The following NRG3 variants were observed in gnomAD, a reference collection of about 807,000 sequenced individuals.
NRG3 encodes the protein neuregulin 3, also known as pro-neuregulin-3, membrane-bound isoform.
A neutral mutation model predicts 66.9 loss-of-function variants in NRG3; 31 were observed. The observed-to-expected ratio is 0.46, with a 90% CI of 0.35 to 0.63. NRG3 has a LOEUF of 0.63. Among genes scored for constraint, NRG3 ranks in the 20% least tolerant of loss-of-function variants. The pLI is 0.00. For synonymous variants in NRG3, 393 were observed against 359.4 expected (o/e 1.09, Z -1.06); for missense variants, 910 against 878.9 (o/e 1.04, Z -0.45).
chr10:81,913,125 G>A (rs745800156), intron 1 of NRG3, among the ~76,000 whole-genome samples: 1 of 152,116 alleles, frequency 6.6e-6, no homozygotes, highest in East Asian at 1.9e-4. Context: ...TGAAGAGGCT[G>A]GCACCACTTT....
At chr10:82,451,577 A>T (rs530269178) in intron 2 of NRG3, among the ~76,000 whole-genome samples, 1 of 152,296 alleles carries the variant, frequency 6.6e-6, no homozygotes, top group African/African-American at 2.4e-5. Context: ...CCTTACATTC[A>T]TCTCAACAAG....
intron 3 of NRG3, among the ~76,000 whole-genome samples, chr10:82,837,426 T>G (rs1279346172): frequency 6.6e-6 from 1 of 152,132 alleles, no homozygotes; most frequent in Non-Finnish European, 1.5e-5. Context: ...TTTAAACTGA[T>G]GTTTAACTGT....
chr10:82,197,370 G>A (rs2074505412), intron 1 of NRG3, among the ~76,000 whole-genome samples: 1 of 152,102 alleles, frequency 6.6e-6, no homozygotes, highest in Middle Eastern at 3.2e-3. Flanking sequence ...ATAGTACAAA[G>A]GCTCCAGGGT....
At chr10:82,718,114 C>T (rs2057086321) in intron 2 of NRG3, among the ~76,000 whole-genome samples, 1 of 152,202 alleles carries the variant, frequency 6.6e-6, no homozygotes, top group Non-Finnish European at 1.5e-5. Flanking sequence ...ACGAGATCCA[C>T]ATATACTAGT....
In NRG3 at chr10:82,004,034, C is replaced by G. The variant is rs1020610409; in HGVS notation, c.823+127871C>G. Among the ~76,000 whole-genome samples the G allele has an allele frequency of 5.5e-5, 8 of 146,642 alleles. No individual in the cohort carries two copies. In the East Asian group the frequency reaches 1.0e-3, roughly 19 times the overall value. ...ACACACACACACACACACACACACACAGATACCTTAGAGCAGCATTTATTA... is the reference window on the plus strand; with the variant it reads ...ACACACACACACACACACACACACAGAGATACCTTAGAGCAGCATTTATTA... On this transcript the variant is annotated intron_variant, in intron 1 of 8. Transcript: ENST00000372141.
At chr10:82,102,805 A>G (rs1378805510) in intron 1 of NRG3, among the ~76,000 whole-genome samples, 3 of 151,930 alleles carry the variant, frequency 2.0e-5, no homozygotes, top group African/African-American at 7.2e-5. Flanking sequence ...TTATCTTACT[A>G]TTGTAATAAA....
chr10:82,008,714 T>A (rs2061467063), intron 1 of NRG3, among the ~76,000 whole-genome samples: 1 of 152,178 alleles, frequency 6.6e-6, no homozygotes, highest in Non-Finnish European at 1.5e-5. Context: ...TTTTCCTTGG[T>A]ACCCATGAGG....
intron 1 of NRG3, among the ~76,000 whole-genome samples, chr10:82,096,526 G>T (rs2066359562): frequency 6.6e-6 from 1 of 151,786 alleles, no homozygotes; most frequent in Non-Finnish European, 1.5e-5. Context: ...ACATGAACAT[G>T]AGTTAAACTG....
chr10:82,017,643 A>G (rs899652434), intron 1 of NRG3, among the ~76,000 whole-genome samples: 7 of 152,248 alleles, frequency 4.6e-5, no homozygotes, highest in African/African-American at 1.7e-4. Context: ...AACTGGTGTG[A>G]GATGGTATCT....
chr10:82,791,536 T>A (rs1240134260), intron 3 of NRG3, among the ~76,000 whole-genome samples: 1 of 152,174 alleles, frequency 6.6e-6, no homozygotes, highest in Non-Finnish European at 1.5e-5. Context: ...ACTCTGTAAT[T>A]ACCTTCACTT....
intron 1 of NRG3, among the ~76,000 whole-genome samples, chr10:82,071,574 A>G (rs138289605): frequency 9.1e-4 from 139 of 152,318 alleles, no homozygotes; most frequent in African/African-American, 2.6e-3. Flanking sequence ...AAGAGAACCA[A>G]TGGCAGAATA....
chr10:82,557,324 C>A (rs2044715623), intron 2 of NRG3, among the ~76,000 whole-genome samples: 1 of 152,064 alleles, frequency 6.6e-6, no homozygotes, highest in Non-Finnish European at 1.5e-5. Context: ...TTAATAATAG[C>A]CATTCTGACT....
chr10:82,418,490 T>C (rs1198696679), intron 2 of NRG3, among the ~76,000 whole-genome samples: 1 of 150,990 alleles, frequency 6.6e-6, no homozygotes, highest in East Asian at 1.9e-4. Context: ...TAAGATGCTA[T>C]GTTTGCATCA....
intron 2 of NRG3, among the ~76,000 whole-genome samples, chr10:82,647,235 A>G (rs1193787391): frequency 6.6e-6 from 1 of 151,614 alleles, no homozygotes; most frequent in South Asian, 2.1e-4. Flanking sequence ...ATTCCCACCT[A>G]TGAGTGAGAA....
intron 3 of NRG3, among the ~76,000 whole-genome samples, chr10:82,812,536 A>G (rs7475683): frequency 0.2 from 30,004 of 152,114 alleles, 3,892 homozygotes; most frequent in African/African-American, 0.36. Context: ...TAATTATAGT[A>G]AAATGTGGGT....
intron 1 of NRG3, among the ~76,000 whole-genome samples, chr10:81,994,992 G>C (rs952182648): frequency 1.4e-4 from 21 of 151,998 alleles, no homozygotes; most frequent in Admixed American, 1.2e-3. Flanking sequence ...GTCTTTTTCA[G>C]ATTTCTTTCT....
intron 3 of NRG3, among the ~76,000 whole-genome samples, chr10:82,854,382 C>T (rs2063707266): frequency 6.6e-6 from 1 of 152,076 alleles, no homozygotes; most frequent in African/African-American, 2.4e-5. Context: ...GTGTTGTGTA[C>T]AGGGTTCTAT....
chr10:82,038,886 A>G (rs958992733), intron 1 of NRG3, among the ~76,000 whole-genome samples: 36 of 152,040 alleles, frequency 2.4e-4, no homozygotes, highest in Admixed American at 2.2e-3. Flanking sequence ...GTCCTCCCTG[A>G]TCAACACTAG....
At chr10:82,287,148 T>G (rs1411340568) in intron 1 of NRG3, among the ~76,000 whole-genome samples, 2 of 152,034 alleles carry the variant, frequency 1.3e-5, no homozygotes, top group Non-Finnish European at 2.9e-5. Flanking sequence ...ATTCCCAGTA[T>G]TGGAGGTGGG....
Sources: allele counts gnomAD v4.1 joint callset (sites outside exome capture counted in the v4.1 genomes callset), GRCh38; gene constraint gnomAD v4.1.1; transcripts MANE v1.5; gene names NCBI Gene and HGNC (gene_info 2026-07-23, HGNC 2026-07-21).